The following CLN3 variants were observed in gnomAD, a reference collection of about 807,000 sequenced individuals.
The protein encoded by CLN3 is battenin.
A neutral mutation model predicts 60.7 loss-of-function variants in CLN3; 49 were observed. The observed-to-expected ratio is 0.81, with a 90% CI of 0.64 to 1.02. CLN3 has a LOEUF of 1.02. Ranked by LOEUF, CLN3 falls within the 50% of genes least tolerant of loss-of-function variation. The probability of loss-of-function intolerance (pLI) is 0.00; values close to 1 mark genes in which losing one functional copy is unlikely to be tolerated. For missense variants in CLN3, 516 were observed against 557.4 expected (o/e 0.93, Z 0.75); for synonymous variants, 256 against 245.8 (o/e 1.04, Z -0.39).
chr16:28,476,498 A>T (rs1233040883), downstream of CLN3: 1 of 151,828 alleles, frequency 6.6e-6, no homozygotes, highest in Non-Finnish European at 1.5e-5. Context: ...GTGAGCCATG[A>T]CTGTGCCACT....
Position 28,479,118 on chromosome 16 carries a change from A to C in CLN3, c.1057-1241T>G, listed in dbSNP as rs112685517. 8.1e-3 allele frequency among the ~76,000 whole-genome samples: 1,232 copies of C among 152,276 alleles called. 15 individuals carry two copies. The highest frequency in any genetic ancestry group is 0.026 in the African/African-American group (1,071 of 41,558). ...CTCAAGGAGGTGCCATCCTCCCAGC[A>C]CTGACCACGCCACATTGCCTCTTGT... On this transcript the variant is annotated intron_variant, in intron 14 of 15. Coordinates refer to ENST00000636147, the MANE Select transcript of CLN3 (RefSeq NM_001042432.2).
At chr16:28,487,349 G>T in intron 7 of CLN3, 107 bp downstream of exon 7, 2 of 925,800 alleles carry the variant, frequency 2.2e-6, no homozygotes, top group Non-Finnish European at 3.5e-6. Flanking sequence ...GCTTCTAAGG[G>T]TGACAGAATG....
At position 28,477,564 on chromosome 16, in the gene CLN3, C is replaced by T. The variant is rs200719311; in HGVS notation, c.1269G>A (p.Ser423=). The T allele has an allele frequency of 1.2e-5, 20 of 1,613,996 alleles. No individual in the cohort carries two copies. Among genetic ancestry groups the T allele is most frequent in the Admixed American group, 1.2e-4 (7 of 60,012 alleles). The change falls in exon 16 of 16, where the codon TCG becomes TCA. Residue 423 remains serine, a synonymous_variant. Transcript: ENST00000636147. ...CATGCAGAGGCAAAGCCAGGAGCCC[C>T]GACAGGGAGATCCCCAGTGTGTCAG... ...CISDTLGISL[S]GLLALPLHDF...
intron 7 of CLN3, 97 bp from the exon 8 acceptor site, chr16:28,486,747 A>G (rs2046227175): frequency 3.4e-6 from 4 of 1,185,066 alleles, no homozygotes; most frequent in Non-Finnish European, 4.9e-6. Context: ...GTATCAGCTC[A>G]TAGAGGCTCC....
At chr16:28,489,447 T>G in intron 3 of CLN3, 61 bp from the exon 4 acceptor site, 1 of 1,220,618 alleles carries the variant, frequency 8.2e-7, no homozygotes, top group East Asian at 2.5e-5. Context: ...GTAGCCTTTG[T>G]GCCAAACCTT....
At position 28,491,566 on chromosome 16, in the gene CLN3, A is replaced by G. The variant is rs768651056; in HGVS notation, c.47-6T>C. 2 of 1,614,038 alleles carry G rather than the reference A, an allele frequency of 1.2e-6. No individual in the cohort carries two copies. Among genetic ancestry groups the G allele is most frequent in the Non-Finnish European group, 1.7e-6 (2 of 1,180,006 alleles). ...CTCCGGGACGGTCTCCTCCCCTGGG[A>G]GAGCGAGAAGAGGGCATGACCCCCA... On this transcript the variant is annotated splice_region_variant and splice_polypyrimidine_tract_variant and intron_variant, in intron 2 of 15. Coordinates refer to ENST00000636147, the MANE Select transcript of CLN3 (RefSeq NM_001042432.2).
Position 28,486,464 on chromosome 16 carries a change from CCT to C in CLN3, c.558_559del (p.Gly187AspfsTer48), listed in dbSNP as rs386833729. 1.2e-6 allele frequency: 2 copies of C among 1,613,350 alleles called. No individual in the cohort carries two copies. The highest frequency in any genetic ancestry group is 1.7e-6 in the Non-Finnish European group (2 of 1,179,784). On this transcript the variant is annotated frameshift_variant, in exon 9 of 16. Transcript: ENST00000636147. LOFTEE classifies it high-confidence loss of function. ...CCCCAGCAGCCCAGCTCCCCCAGTC[CCT>C]GAGGACCACCAGGAGATCACGGCCC...
At chr16:28,483,014 G>A (rs1046153022) in intron 10 of CLN3, among the ~76,000 whole-genome samples, 3 of 151,896 alleles carry the variant, frequency 2.0e-5, no homozygotes, top group East Asian at 3.9e-4. Flanking sequence ...TGAGGCAGGA[G>A]AATCACTTGA....
chr16:28,486,760 T>C lies in CLN3; in HGVS notation c.461-110A>G, dbSNP rs977137541. 16 of 1,040,380 alleles carry C rather than the reference T, an allele frequency of 1.5e-5. No individual in the cohort carries two copies. In the South Asian group the frequency reaches 1.8e-4, roughly 11 times the overall value. 64.4% of individuals were successfully genotyped at this position (1,040,380 alleles called of 1,614,324 possible). On this transcript the variant is annotated intron_variant, in intron 7 of 15. Transcript: ENST00000636147. ...CAGTATCAGCTCATAGAGGCTCCAA[T>C]AGATCCCATGCATAGGCCAGGTTCC...
chr16:28,484,495 C>G (rs906465963), intron 9 of CLN3: 3 of 254,198 alleles, frequency 1.2e-5, no homozygotes, highest in African/African-American at 2.2e-5. Flanking sequence ...ACTACAGGCA[C>G]GTGCCACCAA....
intron 5 of CLN3, 186 bp from the exon 6 acceptor site, chr16:28,487,927 C>T (rs2046249220): frequency 3.3e-6 from 2 of 613,434 alleles, no homozygotes; most frequent in African/African-American, 3.7e-5. Flanking sequence ...TTTATACTCT[C>T]TGAGCTTCAG....
intron 14 of CLN3, among the ~76,000 whole-genome samples, chr16:28,478,869 A>G (rs2046041572): frequency 6.6e-6 from 1 of 151,638 alleles, no homozygotes; most frequent in African/African-American, 2.4e-5. Flanking sequence ...TGGGCAGCAA[A>G]ATTGCCCCTA....
chr16:28,485,870 G>C (rs946576800), intron 9 of CLN3, among the ~76,000 whole-genome samples: 1 of 152,028 alleles, frequency 6.6e-6, no homozygotes, highest in East Asian at 1.9e-4. Flanking sequence ...CTTGTTCAAC[G>C]CTACAAAGCT....
At chr16:28,472,533 T>G (rs1415935975), downstream of CLN3, among the ~76,000 whole-genome samples, 1 of 151,872 alleles carries the variant, frequency 6.6e-6, no homozygotes, top group East Asian at 1.9e-4. Flanking sequence ...GCTAAAACTA[T>G]AAAACTCTTA....
At chr16:28,484,238 G>C (rs1158438827) in intron 9 of CLN3, 120 bp from the exon 10 acceptor site, 4 of 738,258 alleles carry the variant, frequency 5.4e-6, no homozygotes, top group Non-Finnish European at 9.6e-6. Flanking sequence ...AAGATGGGTA[G>C]CTCACTGCCT....
At chr16:28,488,338 A>ATT (rs1168358168) in intron 5 of CLN3, 5 of 200,630 alleles carry the variant, frequency 2.5e-5, no homozygotes, top group Non-Finnish European at 3.9e-5. Flanking sequence ...ATATATATAT[A>ATT]TTTTTTAATT....
At chr16:28,488,798 T>G in intron 4 of CLN3, 136 bp from the exon 5 acceptor site, 2 of 803,286 alleles carry the variant, frequency 2.5e-6, no homozygotes, top group Non-Finnish European at 4.4e-6. Flanking sequence ...GACCTCAGCG[T>G]CTCTGCATGC....
downstream of CLN3, among the ~76,000 whole-genome samples, chr16:28,475,119 G>A (rs2045980623): frequency 6.6e-6 from 1 of 152,080 alleles, no homozygotes; most frequent in South Asian, 2.1e-4. Context: ...GTATGGTGGT[G>A]CGTGCCTGCA....
downstream of CLN3, chr16:28,477,259 G>C (rs2046007948): frequency 5.5e-6 from 3 of 541,650 alleles, no homozygotes; most frequent in South Asian, 6.2e-5. Flanking sequence ...TCTTTTTAGA[G>C]ACAAAAACGA....
Sources: allele counts gnomAD v4.1 joint callset (sites outside exome capture counted in the v4.1 genomes callset), GRCh38; gene constraint gnomAD v4.1.1; transcripts MANE v1.5; gene names NCBI Gene and HGNC (gene_info 2026-07-23, HGNC 2026-07-21).